Variants in SNX29 observed in about 807,000 individuals in gnomAD.
SNX29 encodes the protein sorting nexin 29.
Under a neutral mutation model 102.1 loss-of-function variants are expected in SNX29, and 78 were observed. The ratio of observed to expected loss-of-function variants is 0.76; its 90% CI spans 0.64 to 0.92. SNX29 has a LOEUF of 0.92. Among genes scored for constraint, SNX29 ranks in the 40% least tolerant of loss-of-function variants. The probability of loss-of-function intolerance (pLI) is 0.00; values close to 1 mark genes in which losing one functional copy is unlikely to be tolerated. For synonymous variants in SNX29, 580 were observed against 414.5 expected, an observed-to-expected ratio of 1.40 and a Z score of -4.85; for missense variants, 1,280 against 1,061.7, an observed-to-expected ratio of 1.21 and a Z score of -2.86.
At chr16:12,239,176 A>T (rs1235742825) in intron 14 of SNX29, among the ~76,000 whole-genome samples, 1 of 152,144 alleles carries the variant, frequency 6.6e-6, no homozygotes, top group Admixed American at 6.5e-5. Context: ...GAAGGAGGGG[A>T]TGGATGCCAG....
intron 14 of SNX29, among the ~76,000 whole-genome samples, chr16:12,271,072 A>T (rs2142623911): frequency 6.6e-6 from 1 of 152,332 alleles, no homozygotes; most frequent in East Asian, 1.9e-4. Flanking sequence ...GTGGTCTCTC[A>T]AGAAGTAACT....
chr16:12,373,601 T>G (rs1171721486), intron 16 of SNX29: 1 of 152,260 alleles, frequency 6.6e-6, no homozygotes, highest in East Asian at 1.9e-4. Flanking sequence ...ATAATACTAA[T>G]GCTACTTGGC....
Position 12,218,976 on chromosome 16 carries a change from G to A in SNX29, c.1678+19293G>A, listed in dbSNP as rs142999490. On this transcript the variant is annotated intron_variant, in intron 14 of 20. Transcript: ENST00000566228. ...TTTTTAGTAGAGACGGGGTTTCACT[G>A]TGTTAGCCAGGTTGGTCTCGATCTC... Among the ~76,000 whole-genome samples the A allele has an allele frequency of 3.2e-4, 49 of 152,148 alleles. 1 individual carries two copies. In the East Asian group the frequency reaches 6.0e-3, roughly 19 times the overall value.
rs181237362 is a variant in SNX29 at position 12,057,705 on chromosome 16, A to G, written c.1125-3823A>G. On this transcript the variant is annotated intron_variant, in intron 8 of 20. Transcript: ENST00000566228. The stretch of plus-strand genomic sequence containing the variant: ...AAGATTTTATAGTTTAAGCCTTGAC[A>G]TTTTAACATTTAGGATCTCAAACAT... 5.9e-5 allele frequency among the ~76,000 whole-genome samples: 9 copies of G among 152,220 alleles called. No homozygotes were observed. The South Asian group carries it at 1.0e-3, about 18-fold the overall frequency.
At chr16:12,513,403 C>G (rs2089722579) in intron 19 of SNX29, among the ~76,000 whole-genome samples, 2 of 151,876 alleles carry the variant, frequency 1.3e-5, no homozygotes, top group African/African-American at 4.8e-5. Context: ...CCCCTCCCCT[C>G]TACTCAGTTC....
At chr16:12,033,393 G>A (rs55933754) in intron 4 of SNX29, among the ~76,000 whole-genome samples, 32,616 of 151,458 alleles carry the variant, frequency 0.22, 4,428 homozygotes, top group Non-Finnish European at 0.3. Context: ...CTGAGCCACC[G>A]TGCCTGGCCT....
intron 16 of SNX29, among the ~76,000 whole-genome samples, chr16:12,370,417 G>A (rs558303081): frequency 1.3e-5 from 2 of 152,260 alleles, no homozygotes; most frequent in African/African-American, 4.8e-5. Flanking sequence ...AAAATTAGCT[G>A]GGTTTGATGG....
At chr16:12,383,823 C>G (rs1009083502) in intron 16 of SNX29, among the ~76,000 whole-genome samples, 15 of 124,268 alleles carry the variant, frequency 1.2e-4, no homozygotes, top group Non-Finnish European at 1.8e-4. Context: ...TTCATTCTTG[C>G]TATTTTTTGT....
intron 20 of SNX29, chr16:12,527,519 G>T (rs936112589): frequency 3.0e-5 from 12 of 402,742 alleles, no homozygotes; most frequent in Middle Eastern, 7.6e-4. Flanking sequence ...GTTCACTAAA[G>T]AGAGGGCCCC....
chr16:12,398,634 G>C, intron 17 of SNX29, 133 bp downstream of exon 17: 1 of 969,624 alleles, frequency 1.0e-6, no homozygotes, highest in Admixed American at 1.9e-5. Context: ...GGTTCTTGTA[G>C]AGCTGGTAGG....
At chr16:12,331,782 C>G (rs1444586945) in intron 15 of SNX29, among the ~76,000 whole-genome samples, 1 of 152,172 alleles carries the variant, frequency 6.6e-6, no homozygotes, top group African/African-American at 2.4e-5. Flanking sequence ...GAACTCCTGA[C>G]CTCAGGTGAT....
chr16:12,530,803 G>A (rs779513188), intron 20 of SNX29, among the ~76,000 whole-genome samples: 13 of 152,132 alleles, frequency 8.5e-5, no homozygotes, highest in African/African-American at 1.2e-4. Context: ...TGATCCACCC[G>A]CCTTGGCCTC....
intron 19 of SNX29, among the ~76,000 whole-genome samples, chr16:12,481,566 A>C (rs1555549568): frequency 1.4e-5 from 2 of 148,062 alleles, no homozygotes; most frequent in Non-Finnish European, 3.0e-5. Flanking sequence ...CCCAAATGTC[A>C]CCCTGTCGCC....
At chr16:12,063,753 T>C (rs2050892735) in intron 9 of SNX29, among the ~76,000 whole-genome samples, 1 of 151,600 alleles carries the variant, frequency 6.6e-6, no homozygotes, top group South Asian at 2.1e-4. Flanking sequence ...TCACATGACC[T>C]TCCATACCAA....
chr16:12,237,835 GA>G, intron 14 of SNX29, among the ~76,000 whole-genome samples: 1 of 152,328 alleles, frequency 6.6e-6, no homozygotes, highest in East Asian at 1.9e-4. Context: ...TTGAACCCGG[GA>G]GATGGAGGTT....
chr16:12,436,756 C>T (rs1298731372), intron 18 of SNX29, among the ~76,000 whole-genome samples: 1 of 152,250 alleles, frequency 6.6e-6, no homozygotes, highest in East Asian at 1.9e-4. Context: ...CGGGTTCAAG[C>T]AATTGTACTG....
chr16:12,539,430 G>GT (rs1261648276), intron 20 of SNX29, among the ~76,000 whole-genome samples: 1 of 152,188 alleles, frequency 6.6e-6, no homozygotes, highest in South Asian at 2.1e-4. Flanking sequence ...AGTCAGCAGT[G>GT]TTTTTATTAC....
chr16:12,312,196 G>A (rs1457910688), intron 15 of SNX29, among the ~76,000 whole-genome samples: 2 of 152,240 alleles, frequency 1.3e-5, no homozygotes, highest in Non-Finnish European at 2.9e-5. Flanking sequence ...CTATTTAGCA[G>A]CTGCAGTGCT....
chr16:12,162,005 A>G (rs1415145946), intron 13 of SNX29, among the ~76,000 whole-genome samples: 1 of 152,056 alleles, frequency 6.6e-6, no homozygotes, highest in East Asian at 1.9e-4. Context: ...CGAATCCCTC[A>G]CCACCCCTGT....
Sources: gnomAD v4.1 joint callset for allele counts (sites outside exome capture counted in the v4.1 genomes callset) on GRCh38, gnomAD v4.1.1 for gene constraint, MANE v1.5 for transcripts, NCBI Gene and HGNC (gene_info 2026-07-23, HGNC 2026-07-21) for gene names.